The following TAS2R1 variants were observed in gnomAD, a reference collection of about 807,000 sequenced individuals.
TAS2R1 encodes the protein taste receptor type 2 member 1.
For missense variants in TAS2R1, 370 were observed against 353.4 expected (o/e 1.05, Z -0.38); for synonymous variants, 141 against 134.2 (o/e 1.05, Z -0.35).
At chr5:9,832,164 G>T in the TAS2R1 span, among the ~76,000 whole-genome samples, 1 of 152,124 alleles carries the variant, frequency 6.6e-6, no homozygotes, top group African/African-American at 2.4e-5. Flanking sequence ...TAAACATAAG[G>T]ATCAATGAAA....
chr5:9,749,701 T>C, the TAS2R1 span, among the ~76,000 whole-genome samples: 1 of 152,184 alleles, frequency 6.6e-6, no homozygotes, highest in Non-Finnish European at 1.5e-5. Context: ...TCCTCTCCCA[T>C]AAAGCGATAC....
intron 1 of TAS2R1, among the ~76,000 whole-genome samples, chr5:9,670,004 C>T (rs1281626184): frequency 6.6e-6 from 1 of 151,974 alleles, no homozygotes; most frequent in South Asian, 2.1e-4. Flanking sequence ...TGTTAGACCA[C>T]TAGCTAGAAT....
chr5:9,895,015 A>G, the TAS2R1 span, among the ~76,000 whole-genome samples: 1 of 152,232 alleles, frequency 6.6e-6, no homozygotes, highest in African/African-American at 2.4e-5. Context: ...GGTGGTAGGG[A>G]GGCTTCCTGA....
the TAS2R1 span, among the ~76,000 whole-genome samples, chr5:9,790,635 T>G: frequency 6.6e-6 from 1 of 152,160 alleles, no homozygotes; most frequent in Non-Finnish European, 1.5e-5. Flanking sequence ...AATAAGAATT[T>G]TTTTTTCTTT....
upstream of TAS2R1, among the ~76,000 whole-genome samples, chr5:9,633,293 A>ATATATATATATAT (rs1561364890): frequency 3.2e-5 from 2 of 62,566 alleles, no homozygotes; most frequent in East Asian, 8.4e-4. Context: ...GTGTGTGTAT[A>ATATATATATATAT]TTATATATAT....
the TAS2R1 span, among the ~76,000 whole-genome samples, chr5:9,728,830 G>A: frequency 6.6e-6 from 1 of 152,140 alleles, no homozygotes; most frequent in African/African-American, 2.4e-5. Context: ...GTGGCTCCTT[G>A]GGACCCAAAG....
chr5:9,868,955 GACTT>G, the TAS2R1 span, among the ~76,000 whole-genome samples: 1 of 152,208 alleles, frequency 6.6e-6, no homozygotes, highest in Non-Finnish European at 1.5e-5. Flanking sequence ...CCTCAGCCTG[GACTT>G]TATTGTCCAT....
At chr5:9,691,216 GA>G (rs2126517895) in intron 1 of TAS2R1, among the ~76,000 whole-genome samples, 1 of 152,336 alleles carries the variant, frequency 6.6e-6, no homozygotes, top group Admixed American at 6.5e-5. Context: ...GATAGACAGG[GA>G]GCAGAACACA....
At position 9,630,347 on chromosome 5, in the gene TAS2R1, G is replaced by A; in HGVS notation, c.-315C>T. On this transcript the variant is annotated 5_prime_UTR_variant, in exon 1 of 1. Coordinates refer to ENST00000382492, the MANE Select transcript of TAS2R1 (RefSeq NM_019599.3). Reference sequence around the variant, plus strand: ...GAATCAGACACCTTCAGACAGCTGGGAGAACAGCTCCTCCATAGTAATTAG... The same window carrying A: ...GAATCAGACACCTTCAGACAGCTGGAAGAACAGCTCCTCCATAGTAATTAG... 1 of 206,476 alleles carries A rather than the reference G, an allele frequency of 4.8e-6. No homozygotes were observed. The highest frequency in any genetic ancestry group is 1.1e-5 in the Non-Finnish European group (1 of 93,068). The allele number at this position is 206,476 out of a possible 1,614,324, so 12.8% of individuals were successfully genotyped here. A position where few individuals can be genotyped will look rare whatever the true frequency, so the allele number is the denominator to read the frequency against.
intron 1 of TAS2R1, among the ~76,000 whole-genome samples, chr5:9,701,695 G>A (rs932267219): frequency 6.6e-6 from 1 of 152,082 alleles, no homozygotes; most frequent in East Asian, 1.9e-4. Context: ...TTATTCCTTC[G>A]TATATTGAAC....
the TAS2R1 span, among the ~76,000 whole-genome samples, chr5:9,791,316 C>T: frequency 6.6e-6 from 1 of 152,320 alleles, no homozygotes; most frequent in South Asian, 2.1e-4. Context: ...AGGGTTATCC[C>T]ATTCAGCAGG....
the TAS2R1 span, among the ~76,000 whole-genome samples, chr5:9,752,329 T>G: frequency 1.3e-5 from 2 of 152,182 alleles, no homozygotes; most frequent in African/African-American, 4.8e-5. Context: ...AGAAAATAAC[T>G]GAGTCCTCTG....
At chr5:9,708,428 A>T (rs1294261559) in intron 1 of TAS2R1, among the ~76,000 whole-genome samples, 1 of 152,104 alleles carries the variant, frequency 6.6e-6, no homozygotes. Flanking sequence ...ATAAAGAAAT[A>T]CATATAAAGG....
chr5:9,727,128 G>C, the TAS2R1 span, among the ~76,000 whole-genome samples: 1 of 152,186 alleles, frequency 6.6e-6, no homozygotes, highest in East Asian at 1.9e-4. Flanking sequence ...CTTGGATGGC[G>C]TGTGATCTCA....
intron 2 of TAS2R1, among the ~76,000 whole-genome samples, chr5:9,655,572 T>C (rs1406515616): frequency 6.6e-6 from 1 of 152,084 alleles, no homozygotes. Flanking sequence ...GAAAGAAATA[T>C]ATAAGCCCCA....
the TAS2R1 span, among the ~76,000 whole-genome samples, chr5:9,881,102 T>G: frequency 2.0e-5 from 3 of 152,038 alleles, no homozygotes; most frequent in Non-Finnish European, 4.4e-5. Context: ...TGCAGCATAA[T>G]CCTTCCACCA....
chr5:9,628,125 A>AATTT lies in TAS2R1; in HGVS notation c.*1004_*1007dup, dbSNP rs1246153106. Among the ~76,000 whole-genome samples the AATTT allele has an allele frequency of 3.7e-5, 5 of 134,736 alleles. No homozygotes were observed. The East Asian group carries it at 6.4e-4, about 17-fold the overall frequency. 88.4% of individuals were successfully genotyped at this position (134,736 alleles called of 152,430 possible). Reference sequence around the variant, plus strand: ...AATATACAAGTATATCTATCTCCATAATTTATCTATCTATCTATCTATCTA... The same window carrying AATTT: ...AATATACAAGTATATCTATCTCCATAATTTATTTATCTATCTATCTATCTATCTA... On this transcript the variant is annotated 3_prime_UTR_variant, in exon 1 of 1. Coordinates refer to ENST00000382492, the MANE Select transcript of TAS2R1 (RefSeq NM_019599.3).
chr5:9,830,814 T>C, the TAS2R1 span, among the ~76,000 whole-genome samples: 105 of 152,342 alleles, frequency 6.9e-4, no homozygotes, highest in Middle Eastern at 6.8e-3. Flanking sequence ...AGAGAATATT[T>C]TCATGGTCAC....
the TAS2R1 span, chr5:9,889,589 T>C: frequency 3.3e-4 from 50 of 152,378 alleles, no homozygotes; most frequent in African/African-American, 1.1e-3. Context: ...GGTAACCAGA[T>C]TTGCATGTTT....
Sources: gnomAD v4.1 joint callset for allele counts (sites outside exome capture counted in the v4.1 genomes callset) on GRCh38, gnomAD v4.1.1 for gene constraint, MANE v1.5 for transcripts, NCBI Gene and HGNC (gene_info 2026-07-23, HGNC 2026-07-21) for gene names.